Variants in CCDC178 observed in about 807,000 individuals in gnomAD.
CCDC178 encodes the protein coiled-coil domain-containing protein 178.
Under a neutral mutation model 117.4 loss-of-function variants are expected in CCDC178, and 126 were observed. That is an observed-to-expected ratio of 1.07 (90% CI 0.93 to 1.24). The LOEUF is 1.24. Among genes scored for constraint, CCDC178 ranks in the 50% most tolerant of loss-of-function variants. CCDC178 has a pLI of 0.00. For missense variants in CCDC178, 1,030 were observed against 986.9 expected, an observed-to-expected ratio of 1.04 and a Z score of -0.59; for synonymous variants, 283 against 313.4, an observed-to-expected ratio of 0.90 and a Z score of 1.02.
chr18:33,229,257 G>T (rs1029980710), intron 15 of CCDC178, among the ~76,000 whole-genome samples: 4 of 152,132 alleles, frequency 2.6e-5, no homozygotes, highest in Admixed American at 2.6e-4. Context: ...GTTGGACTAA[G>T]GTAGCAAGGC....
At chr18:33,324,450 A>C (rs1362391772) in intron 10 of CCDC178, among the ~76,000 whole-genome samples, 1 of 151,950 alleles carries the variant, frequency 6.6e-6, no homozygotes, top group Non-Finnish European at 1.5e-5. Context: ...TCTGAGTCGT[A>C]AGGTATTAGC....
intron 21 of CCDC178, among the ~76,000 whole-genome samples, chr18:33,020,890 G>A (rs1567936995): frequency 6.6e-6 from 1 of 152,114 alleles, no homozygotes; most frequent in East Asian, 1.9e-4. Context: ...AAAATGACAT[G>A]TGTGTTAGTG....
At chr18:33,346,111 C>A in intron 9 of CCDC178, 100 bp downstream of exon 9, 1 of 854,686 alleles carries the variant, frequency 1.2e-6, no homozygotes. Context: ...CAGGCATGAG[C>A]CATGGCACTA....
intron 12 of CCDC178, among the ~76,000 whole-genome samples, chr18:33,273,221 A>G (rs2059909967): frequency 2.0e-5 from 3 of 151,556 alleles, no homozygotes; most frequent in African/African-American, 7.2e-5. Context: ...ACAACACACA[A>G]ACATTGGTGG....
chr18:33,077,169 C>T (rs1232637344), intron 21 of CCDC178, among the ~76,000 whole-genome samples: 1 of 151,860 alleles, frequency 6.6e-6, no homozygotes, highest in East Asian at 1.9e-4. Context: ...ACAGTTATAC[C>T]CTGTATATGG....
At chr18:33,368,450 G>T (rs946037851) in intron 6 of CCDC178, among the ~76,000 whole-genome samples, 4 of 151,620 alleles carry the variant, frequency 2.6e-5, no homozygotes, top group Admixed American at 2.6e-4. Context: ...CTTTTTTGAG[G>T]TTTTTCAATA....
chr18:33,023,451 A>C (rs186589057), intron 21 of CCDC178, among the ~76,000 whole-genome samples: 1 of 152,200 alleles, frequency 6.6e-6, no homozygotes, highest in Admixed American at 6.5e-5. Context: ...CTTGGAAAAT[A>C]ACACATTTCT....
intron 20 of CCDC178, among the ~76,000 whole-genome samples, chr18:33,114,759 A>G (rs1212024703): frequency 6.6e-6 from 1 of 152,108 alleles, no homozygotes; most frequent in Non-Finnish European, 1.5e-5. Context: ...CAGCAAAGGC[A>G]GAGTCAAATA....
intron 20 of CCDC178, among the ~76,000 whole-genome samples, chr18:33,097,104 T>C (rs555929871): frequency 1.3e-5 from 2 of 152,126 alleles, no homozygotes; most frequent in Non-Finnish European, 2.9e-5. Flanking sequence ...TGAACCTGGG[T>C]AGACCTATGG....
At chr18:32,993,308 C>T (rs780004350) in intron 21 of CCDC178, among the ~76,000 whole-genome samples, 2 of 152,170 alleles carry the variant, frequency 1.3e-5, no homozygotes, top group Admixed American at 6.6e-5. Flanking sequence ...TTCCATAAGA[C>T]GTGCCCATCA....
intron 20 of CCDC178, among the ~76,000 whole-genome samples, chr18:33,156,394 G>A (rs1312325682): frequency 6.7e-6 from 1 of 149,698 alleles, no homozygotes; most frequent in African/African-American, 2.5e-5. Context: ...TGCTGAAAAC[G>A]TTTTCTTTTA....
At chr18:33,014,477 C>CA (rs1258248408) in intron 21 of CCDC178, among the ~76,000 whole-genome samples, 1 of 152,160 alleles carries the variant, frequency 6.6e-6, no homozygotes, top group Non-Finnish European at 1.5e-5. Flanking sequence ...AAATCTCTGA[C>CA]AAAGCACTAG....
intron 22 of CCDC178, among the ~76,000 whole-genome samples, chr18:32,942,555 T>G (rs2144591913): frequency 6.6e-6 from 1 of 152,304 alleles, no homozygotes; most frequent in African/African-American, 2.4e-5. Flanking sequence ...CTAGTCATGC[T>G]GACTGACATG....
At chr18:33,269,893 A>G (rs1483995417) in intron 12 of CCDC178, among the ~76,000 whole-genome samples, 1 of 151,852 alleles carries the variant, frequency 6.6e-6, no homozygotes, top group Non-Finnish European at 1.5e-5. Flanking sequence ...AAATTAGTCA[A>G]TAGAAATTAT....
chr18:33,205,392 T>G (rs2059035529), intron 20 of CCDC178, among the ~76,000 whole-genome samples: 1 of 152,094 alleles, frequency 6.6e-6, no homozygotes, highest in Non-Finnish European at 1.5e-5. Context: ...CAGGAGTTAA[T>G]AGTATTAACT....
intron 20 of CCDC178, among the ~76,000 whole-genome samples, chr18:33,163,924 T>C (rs543984399): frequency 6.6e-6 from 1 of 152,246 alleles, no homozygotes; most frequent in Non-Finnish European, 1.5e-5. Flanking sequence ...TGAAATAATA[T>C]AGTAACTTTA....
At chr18:33,256,022 T>A (rs377306044) in intron 14 of CCDC178, among the ~76,000 whole-genome samples, 3 of 132,426 alleles carry the variant, frequency 2.3e-5, no homozygotes, top group Non-Finnish European at 4.8e-5. Flanking sequence ...AATGGCCTCA[T>A]GTATTCAGGA....
At chr18:33,036,663 C>G (rs539833260) in intron 21 of CCDC178, among the ~76,000 whole-genome samples, 13 of 151,852 alleles carry the variant, frequency 8.6e-5, no homozygotes, top group African/African-American at 3.1e-4. Flanking sequence ...CTCGGTAATG[C>G]GAGAGTCTAC....
intron 11 of CCDC178, among the ~76,000 whole-genome samples, chr18:33,301,325 C>A (rs917916319): frequency 6.6e-6 from 1 of 152,216 alleles, no homozygotes; most frequent in African/African-American, 2.4e-5. Context: ...AGGCAGAAGC[C>A]TGACCCAGGG....
Sources: allele counts gnomAD v4.1 joint callset (sites outside exome capture counted in the v4.1 genomes callset), GRCh38; gene constraint gnomAD v4.1.1; transcripts MANE v1.5; gene names NCBI Gene and HGNC (gene_info 2026-07-23, HGNC 2026-07-21).